The following DNAJC21 variants were observed in gnomAD, a reference collection of about 807,000 sequenced individuals.
DNAJC21 encodes DnaJ heat shock protein family (Hsp40) member C21, also known as dnaJ homolog subfamily C member 21.
Under a neutral mutation model 72.4 loss-of-function variants are expected in DNAJC21, and 63 were observed. The observed-to-expected ratio is 0.87, with a 90% CI of 0.71 to 1.07. DNAJC21 has a LOEUF of 1.07. Ranked by LOEUF, DNAJC21 falls within the 50% of genes least tolerant of loss-of-function variation. DNAJC21 has a pLI of 0.00. For synonymous variants in DNAJC21, 203 were observed against 216.7 expected (o/e 0.94, Z 0.56); for missense variants, 634 against 644.8 (o/e 0.98, Z 0.18).
At chr5:34,951,169 T>C in intron 10 of DNAJC21, 1 of 985,420 alleles carries the variant, frequency 1.0e-6, no homozygotes, top group African/African-American at 1.7e-5. Context: ...TGACTCTGGC[T>C]ATAGAAAAAG....
chr5:34,943,430 G>A (rs1377571252), intron 7 of DNAJC21, among the ~76,000 whole-genome samples: 1 of 152,140 alleles, frequency 6.6e-6, no homozygotes, highest in Non-Finnish European at 1.5e-5. Flanking sequence ...ATTCATAGCT[G>A]GAGACACGTA....
chr5:34,937,178 T>G (rs1284200415), intron 4 of DNAJC21, 148 bp from the exon 5 acceptor site: 6 of 838,406 alleles, frequency 7.2e-6, no homozygotes, highest in Non-Finnish European at 1.1e-5. Flanking sequence ...CTGGAAAGCC[T>G]TAAAAGTACT....
At chr5:34,951,974 A>G in intron 10 of DNAJC21, 2 of 985,426 alleles carry the variant, frequency 2.0e-6, no homozygotes, top group Non-Finnish European at 2.4e-6. Context: ...GCAGAATGGC[A>G]GAGCTAAGAT....
chr5:34,929,931 C>T lies in DNAJC21; in HGVS notation c.97+15C>T, dbSNP rs1438878473. The T allele has an allele frequency of 3.2e-6, 5 of 1,548,764 alleles. No homozygotes were observed. The Admixed American group carries it at 5.5e-5, about 17-fold the overall frequency. The stretch of plus-strand genomic sequence containing the variant: ...ATGGCACCCGGGTAAGTACCTGTCC[C>T]GCAGCCCCCGCGGCCACTCGGAGAA... On this transcript the variant is annotated intron_variant, in intron 1 of 11. Coordinates refer to ENST00000648817, the MANE Select transcript of DNAJC21 (RefSeq NM_001012339.3).
rs1765488900 is a variant in DNAJC21, at chr5:34,954,779, C to A, written c.*65C>A. On this transcript the variant is annotated 3_prime_UTR_variant, in exon 12 of 12. Transcript: ENST00000648817. The stretch of plus-strand genomic sequence containing the variant: ...TGAAACCAAAAAACTGAACTGAAAT[C>A]ATCTAAAGAGTTAAAATTTCAGTGA... The A allele has an allele frequency of 2.1e-6, 3 of 1,396,308 alleles. No homozygotes were observed. The South Asian group carries it at 5.5e-5, about 26-fold the overall frequency. The allele number at this position is 1,396,308 out of a possible 1,614,324, so 86.5% of individuals were successfully genotyped here. A position where few individuals can be genotyped will look rare whatever the true frequency, so the allele number is the denominator to read the frequency against.
At position 34,935,773 on chromosome 5, in the gene DNAJC21, C is replaced by T; in HGVS notation, c.255C>T (p.Ser85=). ...GGFDGEYQDD[S]LDLLRYFTVT... is the part of the protein sequence containing the mutation. ...TTGATGGCGAATATCAAGATGACAGCTTAGATTTGCTACGCTATTTCACCG... is the reference window on the plus strand; with the variant it reads ...TTGATGGCGAATATCAAGATGACAGTTTAGATTTGCTACGCTATTTCACCG... Residue 85 remains serine, a synonymous_variant, in exon 3 of 12, where the codon AGC becomes AGT. Transcript: ENST00000648817. The T allele has an allele frequency of 6.2e-7, 1 of 1,613,932 alleles. No homozygotes were observed.
At position 34,955,414 on chromosome 5, in the gene DNAJC21, C is replaced by T. The variant is rs1449500353; in HGVS notation, c.*700C>T. Reference sequence around the variant, plus strand: ...AAATTAGTTTACATGGCATGTCCTCCCTAGGCACAGTGACAGCTGTAAAGT... The same window carrying T: ...AAATTAGTTTACATGGCATGTCCTCTCTAGGCACAGTGACAGCTGTAAAGT... On this transcript the variant is annotated 3_prime_UTR_variant, in exon 12 of 12. Coordinates refer to ENST00000648817, the MANE Select transcript of DNAJC21 (RefSeq NM_001012339.3). 1 of 152,170 alleles carries T rather than the reference C, an allele frequency of 6.6e-6. No homozygotes were observed. The highest frequency in any genetic ancestry group is 2.4e-5 in the African/African-American group (1 of 41,426). 9.4% of individuals were successfully genotyped at this position (152,170 alleles called of 1,614,324 possible).
Position 34,937,461 on chromosome 5 carries a change from C to T in DNAJC21, c.574C>T (p.Arg192Trp), listed in dbSNP as rs1477361660. 14 of 1,613,962 alleles carry T rather than the reference C, an allele frequency of 8.7e-6. No homozygotes were observed. Among genetic ancestry groups the T allele is most frequent in the African/African-American group, 2.7e-5 (2 of 74,908 alleles). ...RAMEKENKKI[R>W]DKARKEKNEL... is the part of the protein sequence containing the mutation. ...CATGGAAAAAGAAAACAAAAAGATT[C>T]GGGACAAAGCAAGGAAAGAGAAGAA... Residue 192 changes from arginine (R) to tryptophan (W), a missense_variant, in exon 5 of 12, where the codon CGG (arginine) becomes TGG (tryptophan). Physicochemically the swap from Arg to Trp is moderately radical, Grantham distance 101 (BLOSUM62 -3). Transcript: ENST00000648817.
chr5:34,948,862 CAA>C (rs755582753), intron 9 of DNAJC21, among the ~76,000 whole-genome samples: 2 of 136,790 alleles, frequency 1.5e-5, no homozygotes, highest in East Asian at 2.1e-4. Flanking sequence ...AAGACTGTCT[CAA>C]AAAAAAAAAA....
At chr5:34,931,959 A>T (rs1254294797) in intron 1 of DNAJC21, among the ~76,000 whole-genome samples, 1 of 152,226 alleles carries the variant, frequency 6.6e-6, no homozygotes, top group Non-Finnish European at 1.5e-5. Flanking sequence ...TCTTCTCTAA[A>T]TATCATCATA....
At position 34,935,604 on chromosome 5, in the gene DNAJC21, TATC is replaced by T. The variant is rs983398249; in HGVS notation, c.192-104_192-102del. On this transcript the variant is annotated intron_variant, in intron 2 of 11. Transcript: ENST00000648817. ...AAAATTTTTGGTTATGGATTGGACA[TATC>T]AACAACCAAAAATGTACAATAATAA... The T allele has an allele frequency of 3.5e-5, 51 of 1,464,392 alleles. No homozygotes were observed. In the Admixed American group the frequency reaches 6.9e-4, roughly 20 times the overall value. The allele number at this position is 1,464,392 out of a possible 1,614,324, so 90.7% of individuals were successfully genotyped here.
At position 34,936,176 on chromosome 5, in the gene DNAJC21, A is replaced by G. The variant is rs1320177818; in HGVS notation, c.348A>G (p.Glu116=). 6.2e-7 allele frequency: 1 copy of G among 1,613,994 alleles called. No homozygotes were observed. The highest frequency in any genetic ancestry group is 8.5e-7 in the Non-Finnish European group (1 of 1,179,968). ...ACACGGTGTATCGTAATGTTTTTGA[A>G]ATGATTGCCAAGGAAGAACTAGAAT... ...GFYTVYRNVF[E]MIAKEELESV... is the part of the protein sequence containing the mutation. The change falls in exon 4 of 12, where the codon GAA becomes GAG. Residue 116 remains glutamate, a synonymous_variant. Transcript: ENST00000648817.
chr5:34,945,604 A>G, intron 8 of DNAJC21, 157 bp from the exon 9 acceptor site: 1 of 604,492 alleles, frequency 1.7e-6, no homozygotes. Context: ...TGACAATGTG[A>G]ATACTTTATT....
chr5:34,954,290 T>G (rs563812431), intron 11 of DNAJC21: 6 of 478,224 alleles, frequency 1.3e-5, no homozygotes, highest in African/African-American at 6.0e-5. Context: ...GGAGATTAAT[T>G]GTGAAGCATA....
Position 34,957,600 on chromosome 5 carries a change from A to G in DNAJC21, c.*2886A>G, listed in dbSNP as rs912719218. The G allele has an allele frequency of 6.6e-6, 1 of 152,212 alleles. No homozygotes were observed. Among genetic ancestry groups the G allele is most frequent in the Non-Finnish European group, 1.5e-5 (1 of 68,030 alleles). 9.4% of individuals were successfully genotyped at this position (152,212 alleles called of 1,614,324 possible). A position where few individuals can be genotyped will look rare whatever the true frequency, so the allele number is the denominator to read the frequency against. On this transcript the variant is annotated 3_prime_UTR_variant, in exon 12 of 12. Transcript: ENST00000648817. ...GAGAAGACTTATAAAGGATTTCATCAGAAGTTTTCATTTTTTCTAAATCCT... is the reference window on the plus strand; with the variant it reads ...GAGAAGACTTATAAAGGATTTCATCGGAAGTTTTCATTTTTTCTAAATCCT...
chr5:34,952,122 A>ACT, intron 10 of DNAJC21: 21 of 924,474 alleles, frequency 2.3e-5, no homozygotes, highest in Non-Finnish European at 2.7e-5. Context: ...TTTTTTAAAA[A>ACT]ATGTGTGTGT....
chr5:34,932,246 C>A (rs1046196015), intron 1 of DNAJC21, among the ~76,000 whole-genome samples: 8 of 151,982 alleles, frequency 5.3e-5, no homozygotes, highest in Non-Finnish European at 7.4e-5. Context: ...CATGGTGAAA[C>A]CCTGTCTCTA....
chr5:34,954,615 C>CTCAA lies in DNAJC21; in HGVS notation c.1497_1498insTCAA (p.His500SerfsTer23). ...TTCCATCTCGGAATAAACTTTTTGA[C>CTCAA]CATCTAAAGGCCACAGGTCATGCAA... On this transcript the variant is annotated frameshift_variant, in exon 12 of 12. Coordinates refer to ENST00000648817, the MANE Select transcript of DNAJC21 (RefSeq NM_001012339.3). LOFTEE classifies it high-confidence loss of function. 6.2e-7 allele frequency: 1 copy of CTCAA among 1,613,432 alleles called. No individual in the cohort carries two copies. Among genetic ancestry groups the CTCAA allele is most frequent in the Non-Finnish European group, 8.5e-7 (1 of 1,179,774 alleles).
At chr5:34,933,131 G>C (rs1764656162) in intron 1 of DNAJC21, among the ~76,000 whole-genome samples, 1 of 151,842 alleles carries the variant, frequency 6.6e-6, no homozygotes, top group Admixed American at 6.6e-5. Context: ...TGATGAGAAA[G>C]AAAAAAACAA....
Sources: allele counts gnomAD v4.1 joint callset (sites outside exome capture counted in the v4.1 genomes callset), GRCh38; gene constraint gnomAD v4.1.1; transcripts MANE v1.5; gene names NCBI Gene and HGNC (gene_info 2026-07-23, HGNC 2026-07-21).